STX11: variants seen among roughly 807,000 people sequenced by gnomAD.
STX11 encodes syntaxin 11.
STX11 carries 21 observed loss-of-function variants against 19.9 expected under a neutral mutation model. That is an observed-to-expected ratio of 1.06 (90% CI 0.75 to 1.52). The LOEUF is 1.52. Among genes scored for constraint, STX11 ranks in the 40% most tolerant of loss-of-function variants. The probability of loss-of-function intolerance (pLI) is 0.00; values close to 1 mark genes in which losing one functional copy is unlikely to be tolerated. For missense variants in STX11, 438 were observed against 405.9 expected (o/e 1.08, Z -0.68); for synonymous variants, 193 against 174.4 (o/e 1.11, Z -0.84).
At chr6:144,185,292 A>G (rs1041393638) in intron 1 of STX11, among the ~76,000 whole-genome samples, 2 of 152,200 alleles carry the variant, frequency 1.3e-5, no homozygotes, top group African/African-American at 4.8e-5. Context: ...AATTACTTCA[A>G]CTTGAAAGAA....
rs901466331 is a variant in STX11, at chr6:144,180,338, C to T, written c.-5-6285C>T. Among the ~76,000 whole-genome samples, 25 of 152,208 alleles carry T rather than the reference C, an allele frequency of 1.6e-4. No homozygotes were observed. Among genetic ancestry groups the T allele is most frequent in the African/African-American group, 6.0e-4 (25 of 41,536 alleles). On this transcript the variant is annotated intron_variant, in intron 1 of 1. Transcript: ENST00000367568. This position sits in a 1 kb window ranked among gnomAD's most constrained non-coding sequence, Gnocchi z 5.3. ...TTTCACAATTGTTCTTTGTAGCATC[C>T]AGTGTCTTGGTTATTTATGTGTGAT...
chr6:144,146,958 G>T (rs1337162455), upstream of STX11, among the ~76,000 whole-genome samples: 1 of 152,168 alleles, frequency 6.6e-6, no homozygotes, highest in Non-Finnish European at 1.5e-5. This position sits in a 1 kb window ranked among gnomAD's most constrained non-coding sequence, Gnocchi z 4.4. Context: ...GACACATTCA[G>T]TTTGGAGTTG....
At position 144,152,724 on chromosome 6, in the gene STX11, C is replaced by G. The variant is rs1801037005; in HGVS notation, c.-6+2021C>G. 6.6e-6 allele frequency among the ~76,000 whole-genome samples: 1 copy of G among 152,214 alleles called. No individual in the cohort carries two copies. The highest frequency in any genetic ancestry group is 1.5e-5 in the Non-Finnish European group (1 of 68,036). On this transcript the variant is annotated intron_variant, in intron 1 of 1. Coordinates refer to ENST00000367568, the MANE Select transcript of STX11 (RefSeq NM_003764.4). This position sits in a 1 kb window ranked among gnomAD's most constrained non-coding sequence, Gnocchi z 4.9. The stretch of plus-strand genomic sequence containing the variant: ...TCTTGGCTCACTGCAACCTCCACCT[C>G]CTGCGTTTAAGCAATTCTTGTGCTT...
intron 1 of STX11, among the ~76,000 whole-genome samples, chr6:144,166,387 C>T (rs543201740): frequency 2.0e-5 from 3 of 152,282 alleles, no homozygotes; most frequent in Admixed American, 1.3e-4. Context: ...ATCTCTGGGA[C>T]GTGTGGAATT....
At position 144,159,060 on chromosome 6, in the gene STX11, C is replaced by T. The variant is rs1359796925; in HGVS notation, c.-6+8357C>T. Among the ~76,000 whole-genome samples, 1 of 152,116 alleles carries T rather than the reference C, an allele frequency of 6.6e-6. No homozygotes were observed. Among genetic ancestry groups the T allele is most frequent in the Admixed American group, 6.5e-5 (1 of 15,274 alleles). On this transcript the variant is annotated intron_variant, in intron 1 of 1. Transcript: ENST00000367568. This position sits in a 1 kb window ranked among gnomAD's most constrained non-coding sequence, Gnocchi z 4.3. ...TTATGGCATTTATTATCATTATTCT[C>T]TCTAACAGCCTGTAAGAGCAAGAAC...
chr6:144,151,192 C>G lies in STX11; in HGVS notation c.-6+489C>G, dbSNP rs894293661. On this transcript the variant is annotated intron_variant, in intron 1 of 1. Transcript: ENST00000367568. This position sits in a 1 kb window ranked among gnomAD's most constrained non-coding sequence, Gnocchi z 4.6. ...AGGAAAGACGGAGAAATTGATAGAG[C>G]CTTCGAGGAGTCCCTTCGAAGCCCA... 1 of 957,002 alleles carries G rather than the reference C, an allele frequency of 1.0e-6. No homozygotes were observed. The highest frequency in any genetic ancestry group is 6.2e-5 in the Admixed American group (1 of 16,222). The allele number at this position is 957,002 out of a possible 1,614,324, so 59.3% of individuals were successfully genotyped here.
intron 1 of STX11, among the ~76,000 whole-genome samples, chr6:144,157,744 A>G (rs1191120320): frequency 6.6e-6 from 1 of 152,180 alleles, no homozygotes; most frequent in East Asian, 1.9e-4. Flanking sequence ...AAACTCAGCC[A>G]CCCAAACAGC....
chr6:144,163,406 C>G (rs1447961249), intron 1 of STX11, among the ~76,000 whole-genome samples: 1 of 152,148 alleles, frequency 6.6e-6, no homozygotes, highest in Non-Finnish European at 1.5e-5. Context: ...GACCCCATCT[C>G]TACAAAAATT....
In STX11 at chr6:144,170,718, A is replaced by AG. The variant is rs1801606245; in HGVS notation, c.-5-15904dup. Among the ~76,000 whole-genome samples the AG allele has an allele frequency of 2.6e-5, 4 of 152,226 alleles. No individual in the cohort carries two copies. In the South Asian group the frequency reaches 8.3e-4, roughly 32 times the overall value. On this transcript the variant is annotated intron_variant, in intron 1 of 1. Transcript: ENST00000367568. This position sits in a 1 kb window ranked among gnomAD's most constrained non-coding sequence, Gnocchi z 4.7. ...AGTAATTGAGTAATGCACAGGTATT[A>AG]GTGTTCACTTATGATCATAGATGAG...
At chr6:144,179,493 T>C (rs1482452752) in intron 1 of STX11, among the ~76,000 whole-genome samples, 1 of 152,220 alleles carries the variant, frequency 6.6e-6, no homozygotes, top group African/African-American at 2.4e-5. Flanking sequence ...AGAAAGGAAC[T>C]GCTAAATTAC....
chr6:144,164,120 G>GA (rs1207619788), intron 1 of STX11, among the ~76,000 whole-genome samples: 1 of 152,162 alleles, frequency 6.6e-6, no homozygotes, highest in Non-Finnish European at 1.5e-5. Context: ...ATAAACACAT[G>GA]AAAGTCCCTG....
Position 144,174,635 on chromosome 6 carries a change from G to T in STX11, c.-5-11988G>T, listed in dbSNP as rs908287804. Reference sequence around the variant, plus strand: ...CACCCGCCTTGGCCTCCCAAGCCAGGATTACAGATATGAGTCCCTGTGCCT... The same window carrying T: ...CACCCGCCTTGGCCTCCCAAGCCAGTATTACAGATATGAGTCCCTGTGCCT... On this transcript the variant is annotated intron_variant, in intron 1 of 1. Transcript: ENST00000367568. The surrounding 1 kb of genome is among the most constrained non-coding windows in gnomAD (Gnocchi z 5.3). Among the ~76,000 whole-genome samples, 2 of 152,078 alleles carry T rather than the reference G, an allele frequency of 1.3e-5. No individual in the cohort carries two copies. Among genetic ancestry groups the T allele is most frequent in the Non-Finnish European group, 2.9e-5 (2 of 68,008 alleles).
At chr6:144,150,018 G>GTCGGCAGGGGTCTGGGAAGGCGGTGC (rs1800952374), upstream of STX11, among the ~76,000 whole-genome samples, 1 of 152,064 alleles carries the variant, frequency 6.6e-6, no homozygotes, top group African/African-American at 2.4e-5. Context: ...AGAGAGGTTG[G>GTCGGCAGGGGTCTGGGAAGGCGGTGC]TCGGCAGGGT....
the STX11 span, among the ~76,000 whole-genome samples, chr6:144,144,126 T>C: frequency 6.6e-6 from 1 of 152,232 alleles, no homozygotes; most frequent in African/African-American, 2.4e-5. Flanking sequence ...ATTGAGTGTC[T>C]CTAATGTTCT....
rs1802166678 is a variant in STX11, at chr6:144,189,718, CTAATTT to C, written c.*2234_*2239del. On this transcript the variant is annotated 3_prime_UTR_variant, in exon 2 of 2. Transcript: ENST00000367568. ...GACCAGGAAAATCTATCCCCTGTAT[CTAATTT>C]TAATTTCATGGTTAAATTTGAGAAT... Among the ~76,000 whole-genome samples, 1 of 152,200 alleles carries C rather than the reference CTAATTT, an allele frequency of 6.6e-6. No individual in the cohort carries two copies. Among genetic ancestry groups the C allele is most frequent in the African/African-American group, 2.4e-5 (1 of 41,454 alleles).
At position 144,156,044 on chromosome 6, in the gene STX11, TTCCTTCCCC is replaced by T. The variant is rs1313842297; in HGVS notation, c.-6+5345_-6+5353del. On this transcript the variant is annotated intron_variant, in intron 1 of 1. Coordinates refer to ENST00000367568, the MANE Select transcript of STX11 (RefSeq NM_003764.4). ...TTTCTCTCCTTCCTTCCTTCCTTCC[TTCCTTCCCC>T]TCCCCTCCCCTCCCCTCCCCTCCCC... 1.3e-4 allele frequency among the ~76,000 whole-genome samples: 16 copies of T among 122,286 alleles called. 2 individuals are homozygous for T. The highest frequency in any genetic ancestry group is 2.9e-4 in the African/African-American group (9 of 30,908). The allele number at this position is 122,286 out of a possible 152,430, so 80.2% of individuals were successfully genotyped here.
rs144586806 is a variant in STX11 at position 144,169,663 on chromosome 6, C to CCCTT, written c.-5-16938_-5-16935dup. ...CTCCTTTTCTTTTCCCTCCCTCCCTCCCTTCCTTCCTTCCTTCCTTCCTTC... is the reference window on the plus strand; with the variant it reads ...CTCCTTTTCTTTTCCCTCCCTCCCTCCCTTCCTTCCTTCCTTCCTTCCTTCCTTC... On this transcript the variant is annotated intron_variant, in intron 1 of 1. Coordinates refer to ENST00000367568, the MANE Select transcript of STX11 (RefSeq NM_003764.4). The surrounding 1 kb of genome is among the most constrained non-coding windows in gnomAD (Gnocchi z 5.2). Among the ~76,000 whole-genome samples the CCCTT allele has an allele frequency of 7.3e-3, 1,015 of 139,786 alleles. 7 individuals are homozygous for CCCTT. Among genetic ancestry groups the CCCTT allele is most frequent in the African/African-American group, 0.011 (409 of 37,716 alleles). The allele number at this position is 139,786 out of a possible 152,430, so 91.7% of individuals were successfully genotyped here. A position where few individuals can be genotyped will look rare whatever the true frequency, so the allele number is the denominator to read the frequency against.
At position 144,190,046 on chromosome 6, in the gene STX11, A is replaced by G. The variant is rs1295949895; in HGVS notation, c.*2555A>G. On this transcript the variant is annotated 3_prime_UTR_variant, in exon 2 of 2. Transcript: ENST00000367568. The stretch of plus-strand genomic sequence containing the variant: ...AAGTAAGTGAGTTTTCAGGCTCTAT[A>G]TACATTTTAATTCCTCACGTTTTAT... 2.0e-5 allele frequency among the ~76,000 whole-genome samples: 3 copies of G among 152,236 alleles called. No homozygotes were observed. Among genetic ancestry groups the G allele is most frequent in the Non-Finnish European group, 2.9e-5 (2 of 68,042 alleles).
At chr6:144,144,709 T>C in the STX11 span, among the ~76,000 whole-genome samples, 2 of 152,348 alleles carry the variant, frequency 1.3e-5, no homozygotes, top group South Asian at 4.1e-4. Context: ...ATTAGCCATA[T>C]GTGGCTATGG....
Sources: allele counts gnomAD v4.1 joint callset (sites outside exome capture counted in the v4.1 genomes callset), GRCh38; gene constraint gnomAD v4.1.1; non-coding constraint Gnocchi (gnomAD v3.1); transcripts MANE v1.5; gene names NCBI Gene and HGNC (gene_info 2026-07-23, HGNC 2026-07-21).